IL33: variants seen among roughly 807,000 people sequenced by gnomAD.
IL33 encodes the protein interleukin-33.
IL33 carries 37 observed loss-of-function variants against 27.3 expected under a neutral mutation model. The observed-to-expected ratio is 1.36, with a 90% CI of 1.04 to 1.78. IL33 has a LOEUF of 1.78. Ranked by LOEUF, IL33 falls within the 40% of genes most tolerant of loss-of-function variation. IL33 has a pLI of 0.00. For missense variants in IL33, 406 were observed against 311.4 expected, an observed-to-expected ratio of 1.30 and a Z score of -2.29; for synonymous variants, 132 against 102.9, an observed-to-expected ratio of 1.28 and a Z score of -1.71.
In IL33 at chr9:6,253,593, A is replaced by T. The variant is rs747189655; in HGVS notation, c.511A>T (p.Asn171Tyr). The stretch of plus-strand genomic sequence containing the variant: ...TTACTATGAGTCTCAACACCCCTCA[A>T]ATGAATCAGGTAATTTGGAGGGCTG... The part of the protein sequence containing the change: ...LSYYESQHPS[N>Y]ESGDGVDGKM... The change falls in exon 6 of 8, where the codon AAT (asparagine) becomes TAT (tyrosine). Residue 171 changes from asparagine (N) to tyrosine (Y), a missense_variant. By Grantham distance (143) the Asn-to-Tyr change is moderately radical. Coordinates refer to ENST00000682010, the MANE Select transcript of IL33 (RefSeq NM_033439.4). The T allele has an allele frequency of 6.2e-7, 1 of 1,608,046 alleles. No homozygotes were observed. The highest frequency in any genetic ancestry group is 8.5e-7 in the Non-Finnish European group (1 of 1,175,666).
In IL33 at chr9:6,251,163, G is replaced by C. The variant is rs1433416661; in HGVS notation, c.241G>C (p.Val81Leu). The C allele has an allele frequency of 6.2e-7, 1 of 1,613,894 alleles. No homozygotes were observed. Among genetic ancestry groups the C allele is most frequent in the Admixed American group, 1.7e-5 (1 of 60,012 alleles). ...KTGRKHKRHLVLAACQQQSTV... is the reference protein window; with the variant it reads ...KTGRKHKRHLLLAACQQQSTV... The stretch of plus-strand genomic sequence containing the variant: ...AGGTAGAAAGCACAAAAGACATCTG[G>C]TACTCGCTGCCTGTCAACAGCAGTC... The change falls in exon 4 of 8, where the codon GTA becomes CTA. Residue 81 changes from valine (V) to leucine (L), a missense_variant. Coordinates refer to ENST00000682010, the MANE Select transcript of IL33 (RefSeq NM_033439.4).
At chr9:6,249,109 G>A (rs1816182696) in intron 2 of IL33, among the ~76,000 whole-genome samples, 4 of 152,126 alleles carry the variant, frequency 2.6e-5, no homozygotes. Flanking sequence ...AAGAATCAAT[G>A]GTAGAGAGTT....
At chr9:6,223,033 T>C (rs914621239) in intron 1 of IL33, among the ~76,000 whole-genome samples, 5 of 152,174 alleles carry the variant, frequency 3.3e-5, no homozygotes, top group South Asian at 4.1e-4. Flanking sequence ...GTTTAAAAAA[T>C]AGAATATTCC....
intron 1 of IL33, among the ~76,000 whole-genome samples, chr9:6,240,603 T>C (rs1251309683): frequency 2.6e-5 from 4 of 152,182 alleles, no homozygotes; most frequent in African/African-American, 7.2e-5. Flanking sequence ...GCACTTGTAT[T>C]GGGCAATTAA....
intron 1 of IL33, among the ~76,000 whole-genome samples, chr9:6,226,191 T>G (rs551272708): frequency 1.3e-5 from 2 of 152,024 alleles, no homozygotes; most frequent in South Asian, 4.2e-4. Context: ...TAATTATTTT[T>G]TTTTAAGAGA....
intron 1 of IL33, among the ~76,000 whole-genome samples, chr9:6,234,494 G>A (rs971919743): frequency 6.6e-6 from 1 of 152,194 alleles, no homozygotes; most frequent in Non-Finnish European, 1.5e-5. Context: ...AGGCATTGTG[G>A]CAGACGTGCC....
chr9:6,242,523 AACT>A (rs1475978973), intron 2 of IL33: 1 of 152,236 alleles, frequency 6.6e-6, no homozygotes, highest in Non-Finnish European at 1.5e-5. Context: ...GCAAGCAACT[AACT>A]GTTCAAGAAG....
intron 6 of IL33, among the ~76,000 whole-genome samples, chr9:6,254,137 A>G (rs1228277806): frequency 6.6e-6 from 1 of 152,198 alleles, no homozygotes; most frequent in Non-Finnish European, 1.5e-5. Context: ...TTCTATTACT[A>G]TCCCAAAAGA....
chr9:6,231,006 T>A (rs906774302), intron 1 of IL33, among the ~76,000 whole-genome samples: 1 of 152,156 alleles, frequency 6.6e-6, no homozygotes, highest in African/African-American at 2.4e-5. Context: ...ATAATATACA[T>A]AGAGCATCAG....
intron 4 of IL33, among the ~76,000 whole-genome samples, chr9:6,252,055 AC>A (rs1297992991): frequency 0.031 from 545 of 17,816 alleles, 71 homozygotes; most frequent in East Asian, 0.18. Context: ...AAACAAACAA[AC>A]AAAAAAAAAC....
intron 1 of IL33, among the ~76,000 whole-genome samples, chr9:6,234,177 G>A (rs1819067548): frequency 6.6e-6 from 1 of 152,164 alleles, no homozygotes; most frequent in African/African-American, 2.4e-5. Flanking sequence ...ACTCAGCCAA[G>A]ACAATCTCAT....
rs776277822 is a variant in IL33 at position 6,250,604 on chromosome 9, G to T, written c.217+5G>T. On this transcript the variant is annotated splice_donor_5th_base_variant and intron_variant, in intron 3 of 7. Coordinates refer to ENST00000682010, the MANE Select transcript of IL33 (RefSeq NM_033439.4). ...AAAGGCCTTCACTGAAAACAGGTAAGGGGAACCGTACATTCTCTGGCAATA... is the reference window on the plus strand; with the variant it reads ...AAAGGCCTTCACTGAAAACAGGTAATGGGAACCGTACATTCTCTGGCAATA... The T allele has an allele frequency of 8.7e-6, 14 of 1,612,142 alleles. No individual in the cohort carries two copies. Among genetic ancestry groups the T allele is most frequent in the South Asian group, 3.3e-5 (3 of 90,818 alleles).
intron 1 of IL33, among the ~76,000 whole-genome samples, chr9:6,223,061 C>T (rs1564048590): frequency 6.6e-6 from 1 of 152,170 alleles, no homozygotes; most frequent in Admixed American, 6.5e-5. Context: ...TTTGAAGGCT[C>T]CTCTGTGTCA....
In IL33 at chr9:6,256,421, A is replaced by G. The variant is rs1816736326; in HGVS notation, c.*253A>G. Reference sequence around the variant, plus strand: ...GGGTATTGGTAAAGAAACGGTCAACATTCTAAAGAGATACAGTCTGACCTT... The same window carrying G: ...GGGTATTGGTAAAGAAACGGTCAACGTTCTAAAGAGATACAGTCTGACCTT... On this transcript the variant is annotated 3_prime_UTR_variant, in exon 8 of 8. Coordinates refer to ENST00000682010, the MANE Select transcript of IL33 (RefSeq NM_033439.4). 4 of 509,588 alleles carry G rather than the reference A, an allele frequency of 7.8e-6. No individual in the cohort carries two copies. The highest frequency in any genetic ancestry group is 3.6e-5 in the Admixed American group (1 of 27,420). The allele number at this position is 509,588 out of a possible 1,614,324, so 31.6% of individuals were successfully genotyped here.
At chr9:6,242,111 T>A (rs1432346040) in intron 2 of IL33, 1 of 166,364 alleles carries the variant, frequency 6.0e-6, no homozygotes, top group Non-Finnish European at 1.3e-5. Flanking sequence ...CCCCAAAACC[T>A]TTTCCCTGAT....
At chr9:6,231,979 A>G (rs1818950010) in intron 1 of IL33, among the ~76,000 whole-genome samples, 1 of 152,256 alleles carries the variant, frequency 6.6e-6, no homozygotes, top group East Asian at 1.9e-4. Flanking sequence ...ACAGCAAATC[A>G]GTCTGATTAA....
At position 6,220,161 on chromosome 9, in the gene IL33, G is replaced by A. The variant is rs1453711726; in HGVS notation, c.-12+4309G>A. ...GTAACTTTTTTTTGCCATTCCCATT[G>A]CTATTTCCAGAACTAAGAAGTTCAC... On this transcript the variant is annotated intron_variant, in intron 1 of 7. Transcript: ENST00000682010. Among the ~76,000 whole-genome samples the A allele has an allele frequency of 2.0e-5, 3 of 152,140 alleles. No individual in the cohort carries two copies. The East Asian group carries it at 5.8e-4, about 29-fold the overall frequency.
chr9:6,248,144 G>A (rs1587657829), intron 2 of IL33, among the ~76,000 whole-genome samples: 1 of 151,530 alleles, frequency 6.6e-6, no homozygotes, highest in African/African-American at 2.4e-5. Flanking sequence ...ATGTGATATA[G>A]TTGCTATGGT....
intron 1 of IL33, among the ~76,000 whole-genome samples, chr9:6,222,352 G>T (rs1426862712): frequency 6.6e-6 from 1 of 152,148 alleles, no homozygotes; most frequent in Non-Finnish European, 1.5e-5. Context: ...TTAATAGCTG[G>T]CATGGCATTA....
Sources: allele counts gnomAD v4.1 joint callset (sites outside exome capture counted in the v4.1 genomes callset), GRCh38; gene constraint gnomAD v4.1.1; transcripts MANE v1.5; gene names NCBI Gene and HGNC (gene_info 2026-07-23, HGNC 2026-07-21).